GALNT14: variants seen among roughly 807,000 people sequenced by gnomAD.
The protein encoded by GALNT14 is polypeptide N-acetylgalactosaminyltransferase 14, also known as UDP-GalNAc:polypeptide N-acetylgalactosaminyltransferase 14.
GALNT14 carries 60 observed loss-of-function variants against 77.5 expected under a neutral mutation model. The ratio of observed to expected loss-of-function variants is 0.77; its 90% CI spans 0.63 to 0.96. GALNT14 has a LOEUF of 0.96. GALNT14 is among the 40% of genes least tolerant of loss of function. The probability of loss-of-function intolerance (pLI) is 0.00; values close to 1 mark genes in which losing one functional copy is unlikely to be tolerated. For missense variants in GALNT14, 710 were observed against 731.0 expected (o/e 0.97, Z 0.33); for synonymous variants, 280 against 281.7 (o/e 0.99, Z 0.06).
intron 2 of GALNT14, among the ~76,000 whole-genome samples, chr2:30,975,488 A>G (rs1558458154): frequency 6.6e-6 from 1 of 152,234 alleles, no homozygotes; most frequent in Non-Finnish European, 1.5e-5. Context: ...ACAAAGGTGA[A>G]CTATTTTACT....
At chr2:31,074,433 C>T (rs1216028352) in intron 1 of GALNT14, among the ~76,000 whole-genome samples, 1 of 151,720 alleles carries the variant, frequency 6.6e-6, no homozygotes, top group Non-Finnish European at 1.5e-5. Flanking sequence ...AAAACCACCA[C>T]TGTTTTTTAT....
At chr2:31,006,700 C>T (rs1259426171) in intron 1 of GALNT14, among the ~76,000 whole-genome samples, 2 of 152,120 alleles carry the variant, frequency 1.3e-5, no homozygotes, top group Non-Finnish European at 2.9e-5. Flanking sequence ...CATTTTCTGC[C>T]AAGGTTATTC....
chr2:30,967,285 C>T (rs1350704923), intron 2 of GALNT14, among the ~76,000 whole-genome samples: 1 of 152,120 alleles, frequency 6.6e-6, no homozygotes, highest in African/African-American at 2.4e-5. Context: ...TTTCTTTTCC[C>T]CTGGAAAGAT....
chr2:30,976,799 C>T (rs929927141), intron 2 of GALNT14, among the ~76,000 whole-genome samples: 1 of 152,172 alleles, frequency 6.6e-6, no homozygotes, highest in Non-Finnish European at 1.5e-5. Context: ...GCTCAAATCA[C>T]ATCATACAAC....
intron 11 of GALNT14, among the ~76,000 whole-genome samples, chr2:30,927,713 C>T (rs1025746329): frequency 6.6e-6 from 1 of 152,080 alleles, no homozygotes; most frequent in Non-Finnish European, 1.5e-5. Flanking sequence ...TCATCTGCTG[C>T]CAGCGAAAGA....
chr2:31,069,246 G>A (rs1356518636), intron 1 of GALNT14, among the ~76,000 whole-genome samples: 1 of 152,190 alleles, frequency 6.6e-6, no homozygotes, highest in Non-Finnish European at 1.5e-5. Context: ...AGGAAGCTAA[G>A]ATCTCAGGAA....
At chr2:30,966,572 A>C (rs1668022887) in intron 2 of GALNT14, among the ~76,000 whole-genome samples, 1 of 152,184 alleles carries the variant, frequency 6.6e-6, no homozygotes, top group African/African-American at 2.4e-5. Flanking sequence ...ACTGAAAATA[A>C]GTGTGGTATT....
At chr2:31,025,584 A>G (rs1368211745) in intron 1 of GALNT14, among the ~76,000 whole-genome samples, 1 of 152,204 alleles carries the variant, frequency 6.6e-6, no homozygotes, top group Non-Finnish European at 1.5e-5. Context: ...AACCAGATAC[A>G]GGTGGAAGGA....
intron 1 of GALNT14, among the ~76,000 whole-genome samples, chr2:31,031,202 G>A (rs1672388909): frequency 6.6e-6 from 1 of 152,118 alleles, no homozygotes; most frequent in Non-Finnish European, 1.5e-5. Flanking sequence ...CACTTAAGGG[G>A]TGAACCTCTG....
chr2:30,995,092 T>TATA (rs1232264908), intron 1 of GALNT14, among the ~76,000 whole-genome samples: 1 of 142,552 alleles, frequency 7.0e-6, no homozygotes, highest in Admixed American at 7.1e-5. Flanking sequence ...TAAAAGGCAG[T>TATA]ATATTAGTCA....
intron 2 of GALNT14, among the ~76,000 whole-genome samples, chr2:30,982,476 C>T (rs1038877406): frequency 2.6e-5 from 4 of 152,184 alleles, no homozygotes; most frequent in Admixed American, 2.0e-4. Flanking sequence ...GAATACTACA[C>T]AGCAATGAGA....
At chr2:31,053,767 G>C (rs76218693) in intron 1 of GALNT14, among the ~76,000 whole-genome samples, 1 of 152,042 alleles carries the variant, frequency 6.6e-6, no homozygotes. Context: ...TCACCACCTC[G>C]GCATCCATGC....
At chr2:31,067,492 G>A (rs769343000) in intron 1 of GALNT14, among the ~76,000 whole-genome samples, 8 of 151,978 alleles carry the variant, frequency 5.3e-5, no homozygotes, top group Non-Finnish European at 7.4e-5. Flanking sequence ...GTTTTGTGCC[G>A]GCAGAGGGTG....
At chr2:31,105,394 C>T (rs1558572273) in intron 1 of GALNT14, among the ~76,000 whole-genome samples, 1 of 152,120 alleles carries the variant, frequency 6.6e-6, no homozygotes, top group Admixed American at 6.5e-5. Flanking sequence ...CTGCCCTATC[C>T]CTTAAGTTAG....
intron 2 of GALNT14, among the ~76,000 whole-genome samples, chr2:30,970,211 G>A (rs1160543472): frequency 1.3e-5 from 2 of 152,138 alleles, no homozygotes; most frequent in East Asian, 3.9e-4. Flanking sequence ...CCACAAGCAG[G>A]TAAGGGGCAT....
intron 3 of GALNT14, among the ~76,000 whole-genome samples, chr2:30,964,243 G>A (rs558094869): frequency 6.6e-6 from 1 of 152,300 alleles, no homozygotes; most frequent in East Asian, 1.9e-4. Context: ...AGCCACCATG[G>A]CGGTGGGGAA....
intron 9 of GALNT14, among the ~76,000 whole-genome samples, chr2:30,941,342 G>A (rs1019132460): frequency 1.3e-5 from 2 of 152,174 alleles, no homozygotes; most frequent in Admixed American, 6.5e-5. Flanking sequence ...CCCTGCCCTC[G>A]TGCAGCTTCT....
intron 1 of GALNT14, among the ~76,000 whole-genome samples, chr2:31,090,481 CTTTTTTTTTTTT>C (rs70962302): frequency 3.2e-5 from 3 of 93,244 alleles, no homozygotes; most frequent in Admixed American, 1.3e-4. Flanking sequence ...GTCCCTTCAT[CTTTTTTTTTTTT>C]TTTTTTTTTT....
At chr2:31,002,003 G>A (rs537143961) in intron 1 of GALNT14, among the ~76,000 whole-genome samples, 1 of 152,288 alleles carries the variant, frequency 6.6e-6, no homozygotes, top group South Asian at 2.1e-4. Flanking sequence ...TTTATAATCT[G>A]CGAAGCATTT....
Sources: gnomAD v4.1 joint callset for allele counts (sites outside exome capture counted in the v4.1 genomes callset) on GRCh38, gnomAD v4.1.1 for gene constraint, MANE v1.5 for transcripts, NCBI Gene and HGNC (gene_info 2026-07-23, HGNC 2026-07-21) for gene names.